NTAQ1: variants seen among roughly 807,000 people sequenced by gnomAD.
The protein encoded by NTAQ1 is protein N-terminal glutamine amidohydrolase.
In NTAQ1, 21 loss-of-function variants were observed where a neutral mutation model predicts 28.2. The ratio of observed to expected loss-of-function variants is 0.74; its 90% CI spans 0.53 to 1.07. NTAQ1 has a LOEUF of 1.07. Among genes scored for constraint, NTAQ1 ranks in the 50% least tolerant of loss-of-function variants. NTAQ1 has a pLI of 0.00. For missense variants in NTAQ1, 264 were observed against 256.6 expected (o/e 1.03, Z -0.20); for synonymous variants, 105 against 90.0 (o/e 1.17, Z -0.94).
At chr8:123,432,065 G>C (rs1032274950) in intron 3 of NTAQ1, among the ~76,000 whole-genome samples, 1 of 152,158 alleles carries the variant, frequency 6.6e-6, no homozygotes, top group Admixed American at 6.5e-5. Context: ...CCTCTGGCAG[G>C]TTTTGCTTTG....
chr8:123,421,981 A>G (rs1037986061), intron 1 of NTAQ1, among the ~76,000 whole-genome samples: 3 of 151,674 alleles, frequency 2.0e-5, no homozygotes, highest in African/African-American at 7.3e-5. Flanking sequence ...CGCCCAGCCT[A>G]AGTTTTGTAT....
intron 1 of NTAQ1, among the ~76,000 whole-genome samples, chr8:123,420,276 A>G (rs184395798): frequency 2.0e-5 from 3 of 152,320 alleles, no homozygotes; most frequent in East Asian, 1.9e-4. Context: ...GTAGTATTCC[A>G]TGGTGGATGA....
chr8:123,420,157 T>C (rs4871371), intron 1 of NTAQ1, among the ~76,000 whole-genome samples: 100,253 of 151,940 alleles, frequency 0.66, 33,791 homozygotes, highest in East Asian at 0.93. Context: ...TACGCAAGAA[T>C]ATTCAGTGTT....
chr8:123,443,142 C>T (rs1045137406), downstream of NTAQ1, among the ~76,000 whole-genome samples: 2 of 152,026 alleles, frequency 1.3e-5, no homozygotes, highest in Non-Finnish European at 2.9e-5. Flanking sequence ...GCCTCAGCCT[C>T]CCGAGTAGCT....
intron 6 of NTAQ1, among the ~76,000 whole-genome samples, chr8:123,460,990 AT>A (rs1184652160): frequency 6.6e-6 from 1 of 152,124 alleles, no homozygotes; most frequent in East Asian, 1.9e-4. Flanking sequence ...TCTTTCATGT[AT>A]TCCTCCGTAC....
chr8:123,465,379 G>A (rs754275334), intron 6 of NTAQ1, among the ~76,000 whole-genome samples: 9 of 151,970 alleles, frequency 5.9e-5, no homozygotes, highest in Non-Finnish European at 1.2e-4. Context: ...CAAGGACACC[G>A]TCACCAGCTT....
intron 1 of NTAQ1, among the ~76,000 whole-genome samples, chr8:123,421,557 G>A (rs1813694168): frequency 6.7e-6 from 1 of 149,444 alleles, no homozygotes; most frequent in Admixed American, 6.7e-5. Context: ...TGCCCAGGGT[G>A]GAGTGCAGTG....
At chr8:123,464,192 A>G (rs1815907048) in intron 6 of NTAQ1, among the ~76,000 whole-genome samples, 1 of 152,162 alleles carries the variant, frequency 6.6e-6, no homozygotes, top group South Asian at 2.1e-4. Context: ...ATGGTCTTGC[A>G]GAGTTGTTCC....
rs111964266 is a variant in NTAQ1 at position 123,431,381 on chromosome 8, C to T, written c.234+1348C>T. 3.5e-3 allele frequency among the ~76,000 whole-genome samples: 523 copies of T among 149,738 alleles called. 3 individuals carry two copies. Among genetic ancestry groups the T allele is most frequent in the African/African-American group, 0.012 (471 of 40,736 alleles). On this transcript the variant is annotated intron_variant, in intron 3 of 5. Transcript: ENST00000287387. ...AATAGAGTTTTTATGCTAATAAACA[C>T]GAAAGCAAAGTAAAAGGAAAATGAC...
chr8:123,446,926 G>C (rs1003479050), downstream of NTAQ1, among the ~76,000 whole-genome samples: 2 of 152,194 alleles, frequency 1.3e-5, no homozygotes, highest in African/African-American at 4.8e-5. Context: ...CATGGGGGAA[G>C]CCTGCAAGTT....
intron 6 of NTAQ1, among the ~76,000 whole-genome samples, chr8:123,465,996 A>G (rs950994668): frequency 2.0e-5 from 3 of 152,184 alleles, no homozygotes; most frequent in Non-Finnish European, 4.4e-5. Flanking sequence ...GTCATTCTGC[A>G]TGAAAGTCAT....
At chr8:123,463,600 G>GTGAGATTGACGTGGTA (rs1815891036) in intron 6 of NTAQ1, among the ~76,000 whole-genome samples, 1 of 152,234 alleles carries the variant, frequency 6.6e-6, no homozygotes, top group Non-Finnish European at 1.5e-5. Flanking sequence ...CAAAGTGAGT[G>GTGAGATTGACGTGGTA]TGAGATTGAC....
chr8:123,446,131 T>C (rs571546331), downstream of NTAQ1, among the ~76,000 whole-genome samples: 3 of 152,136 alleles, frequency 2.0e-5, no homozygotes, highest in South Asian at 6.2e-4. Flanking sequence ...GTAGCTGGGA[T>C]TACAGGTGCG....
At chr8:123,466,041 TGA>T (rs1329244614) in intron 6 of NTAQ1, among the ~76,000 whole-genome samples, 2 of 151,818 alleles carry the variant, frequency 1.3e-5, no homozygotes, top group African/African-American at 2.4e-5. Context: ...TCTGGGAGGG[TGA>T]GAGGAAGCCA....
intron 6 of NTAQ1, among the ~76,000 whole-genome samples, chr8:123,455,778 A>T (rs1400152376): frequency 2.0e-5 from 3 of 151,990 alleles, no homozygotes; most frequent in African/African-American, 7.2e-5. Context: ...CCGGAAGTCT[A>T]CTGCAGGTGT....
At position 123,441,667 on chromosome 8, in the gene NTAQ1, C is replaced by T. The variant is rs536629401; in HGVS notation, c.*252C>T. On this transcript the variant is annotated 3_prime_UTR_variant, in exon 6 of 6. Coordinates refer to ENST00000287387, the MANE Select transcript of NTAQ1 (RefSeq NM_018024.3). ...TTCCTGTGGCTCATGCGTTACAACA[C>T]GAGGACTTAAGCCAGTAATCGTTTT... The T allele has an allele frequency of 2.6e-5, 12 of 467,356 alleles. No individual in the cohort carries two copies. The highest frequency in any genetic ancestry group is 8.5e-5 in the South Asian group (3 of 35,242). 29.0% of individuals were successfully genotyped at this position (467,356 alleles called of 1,614,324 possible). A position where few individuals can be genotyped will look rare whatever the true frequency, so the allele number is the denominator to read the frequency against.
Position 123,441,504 on chromosome 8 carries a change from T to A in NTAQ1, c.*89T>A. Reference sequence around the variant, plus strand: ...GAGGACAGCAAACATTATGGTACAGTTGGCTTGGAATTATGTCTTTCTCTT... The same window carrying A: ...GAGGACAGCAAACATTATGGTACAGATGGCTTGGAATTATGTCTTTCTCTT... On this transcript the variant is annotated 3_prime_UTR_variant, in exon 6 of 6. Transcript: ENST00000287387. 1 of 1,022,816 alleles carries A rather than the reference T, an allele frequency of 9.8e-7. No homozygotes were observed. The highest frequency in any genetic ancestry group is 1.5e-5 in the South Asian group (1 of 68,612). The allele number at this position is 1,022,816 out of a possible 1,614,324, so 63.4% of individuals were successfully genotyped here. A position where few individuals can be genotyped will look rare whatever the true frequency, so the allele number is the denominator to read the frequency against.
chr8:123,433,537 T>C (rs1462775012), intron 3 of NTAQ1, among the ~76,000 whole-genome samples: 1 of 152,190 alleles, frequency 6.6e-6, no homozygotes, highest in Non-Finnish European at 1.5e-5. Context: ...AACCTCTGTC[T>C]CCTGGGTTCA....
downstream of NTAQ1, among the ~76,000 whole-genome samples, chr8:123,448,585 C>T (rs1382797645): frequency 6.6e-6 from 1 of 152,224 alleles, no homozygotes; most frequent in African/African-American, 2.4e-5. Context: ...CACCACTGCA[C>T]TCCAGCCTGG....
Sources: gnomAD v4.1 joint callset for allele counts (sites outside exome capture counted in the v4.1 genomes callset) on GRCh38, gnomAD v4.1.1 for gene constraint, MANE v1.5 for transcripts, NCBI Gene and HGNC (gene_info 2026-07-23, HGNC 2026-07-21) for gene names.